The following PTPRN2 variants were observed in gnomAD, a reference collection of about 807,000 sequenced individuals.
The protein encoded by PTPRN2 is receptor-type tyrosine-protein phosphatase N2.
PTPRN2 carries 74 observed loss-of-function variants against 118.8 expected under a neutral mutation model. The observed-to-expected ratio is 0.62, with a 90% CI of 0.52 to 0.76. The LOEUF is 0.76. Ranked by LOEUF, PTPRN2 falls within the 30% of genes least tolerant of loss-of-function variation. PTPRN2 has a pLI of 0.00. For missense variants in PTPRN2, 1,481 were observed against 1,394.4 expected (o/e 1.06, Z -0.99); for synonymous variants, 641 against 608.0 (o/e 1.05, Z -0.80).
chr7:158,437,624 C>T (rs1442153694), intron 2 of PTPRN2, among the ~76,000 whole-genome samples: 2 of 152,198 alleles, frequency 1.3e-5, no homozygotes, highest in Non-Finnish European at 2.9e-5. Flanking sequence ...GGGGTTTATC[C>T]TCACACCTAT....
chr7:158,144,224 C>A (rs1819664144), intron 6 of PTPRN2, among the ~76,000 whole-genome samples: 1 of 152,218 alleles, frequency 6.6e-6, no homozygotes, highest in African/African-American at 2.4e-5. Context: ...TTTTGCCATA[C>A]TGATCCACAA....
chr7:158,332,774 C>T (rs55778281), intron 2 of PTPRN2, among the ~76,000 whole-genome samples: 498 of 151,718 alleles, frequency 3.3e-3, no homozygotes, highest in Middle Eastern at 6.9e-3. Context: ...CACACCCATA[C>T]TCTCACCATA....
At position 158,522,325 on chromosome 7, in the gene PTPRN2, CGGG is replaced by C. The variant is rs1563389758; in HGVS notation, c.113-32543_113-32541del. On this transcript the variant is annotated intron_variant, in intron 1 of 22. Coordinates refer to ENST00000389418, the MANE Select transcript of PTPRN2 (RefSeq NM_002847.5). ...ATGGTGGACTGTCCGGGTAGTGGCTCGGGAGGGAGGTCCACGTCACAATGGTGG... is the reference window on the plus strand; with the variant it reads ...ATGGTGGACTGTCCGGGTAGTGGCTCAGGGAGGTCCACGTCACAATGGTGG... Among the ~76,000 whole-genome samples the C allele has an allele frequency of 6.7e-4, 69 of 103,210 alleles. 5 individuals are homozygous for C. The highest frequency in any genetic ancestry group is 0.011 in the Middle Eastern group (2 of 178). The allele number at this position is 103,210 out of a possible 152,430, so 67.7% of individuals were successfully genotyped here.
chr7:158,371,602 G>A (rs1810001632), intron 2 of PTPRN2, among the ~76,000 whole-genome samples: 1 of 152,066 alleles, frequency 6.6e-6, no homozygotes, highest in South Asian at 2.1e-4. Context: ...CTTGAGAGAG[G>A]AACTTTATGC....
rs1380791150 is a variant in PTPRN2, at chr7:158,526,876, T to C, written c.113-37091A>G. 1.3e-5 allele frequency among the ~76,000 whole-genome samples: 2 copies of C among 152,176 alleles called. No homozygotes were observed. Among genetic ancestry groups the C allele is most frequent in the Non-Finnish European group, 2.9e-5 (2 of 68,030 alleles). ...GGACTCAGAAATGTCTGTTGTTTGC[T>C]AAGCCGCCTGGTTTGTGGGGGTTTG... is the stretch of plus-strand genomic sequence containing the variant. On this transcript the variant is annotated intron_variant, in intron 1 of 22. Coordinates refer to ENST00000389418, the MANE Select transcript of PTPRN2 (RefSeq NM_002847.5). This position sits in a 1 kb window ranked among gnomAD's most constrained non-coding sequence, Gnocchi z 5.2.
Position 157,690,915 on chromosome 7 carries a change from AGGGCGGGCTCC to A in PTPRN2, c.1789-7989_1789-7979del, listed in dbSNP as rs1186418369. On this transcript the variant is annotated intron_variant, in intron 12 of 22. Coordinates refer to ENST00000389418, the MANE Select transcript of PTPRN2 (RefSeq NM_002847.5). The surrounding 1 kb of genome is among the most constrained non-coding windows in gnomAD (Gnocchi z 7.1). The stretch of plus-strand genomic sequence containing the variant: ...GCCGGGGCGCGGCGCGGGCGGGCTC[AGGGCGGGCTCC>A]GGACGGTCCCGGTAGGGCCGCCGGC... Among the ~76,000 whole-genome samples the A allele has an allele frequency of 1.4e-5, 2 of 145,224 alleles. No individual in the cohort carries two copies. The highest frequency in any genetic ancestry group is 2.5e-5 in the African/African-American group (1 of 40,438).
intron 12 of PTPRN2, among the ~76,000 whole-genome samples, chr7:157,819,537 G>A (rs1191706685): frequency 7.9e-6 from 1 of 127,130 alleles, no homozygotes; most frequent in African/African-American, 2.9e-5. Context: ...CACACCGAGC[G>A]GCCACGGCAC....
chr7:158,015,692 T>A lies in PTPRN2; in HGVS notation c.1723+65606A>T, dbSNP rs1274743126. On this transcript the variant is annotated intron_variant, in intron 11 of 22. Coordinates refer to ENST00000389418, the MANE Select transcript of PTPRN2 (RefSeq NM_002847.5). The surrounding 1 kb of genome is among the most constrained non-coding windows in gnomAD (Gnocchi z 4.2). ...AGCAGAGAACGTACGAGGTCTTTCT[T>A]CCTATTTTCTGCAATTAAGCAACCA... 6.6e-6 allele frequency among the ~76,000 whole-genome samples: 1 copy of A among 152,244 alleles called. No individual in the cohort carries two copies. Among genetic ancestry groups the A allele is most frequent in the Non-Finnish European group, 1.5e-5 (1 of 68,052 alleles).
chr7:158,523,669 G>A (rs1377671713), intron 1 of PTPRN2, among the ~76,000 whole-genome samples: 17 of 144,756 alleles, frequency 1.2e-4, no homozygotes, highest in Non-Finnish European at 1.7e-4. Context: ...GGAGTCGTCT[G>A]CCCTGGAGCG....
In PTPRN2 at chr7:157,779,525, C is replaced by T. The variant is rs1048093028; in HGVS notation, c.1789-96588G>A. ...CAAATTCCCTCCTCAGGCCAGTGCCCTCCACGTTGTCCCCAGCAGGGCGAC... is the reference window on the plus strand; with the variant it reads ...CAAATTCCCTCCTCAGGCCAGTGCCTTCCACGTTGTCCCCAGCAGGGCGAC... On this transcript the variant is annotated intron_variant, in intron 12 of 22. Coordinates refer to ENST00000389418, the MANE Select transcript of PTPRN2 (RefSeq NM_002847.5). This position sits in a 1 kb window ranked among gnomAD's most constrained non-coding sequence, Gnocchi z 4.7. Among the ~76,000 whole-genome samples the T allele has an allele frequency of 2.0e-5, 3 of 152,216 alleles. No individual in the cohort carries two copies. Among genetic ancestry groups the T allele is most frequent in the Non-Finnish European group, 4.4e-5 (3 of 68,038 alleles).
intron 12 of PTPRN2, among the ~76,000 whole-genome samples, chr7:157,700,849 A>G (rs1469166472): frequency 1.3e-5 from 2 of 152,008 alleles, no homozygotes; most frequent in African/African-American, 4.8e-5. Flanking sequence ...CTCTCTCCCC[A>G]TCGAGGAACC....
At chr7:158,566,347 T>G (rs1827673295) in intron 1 of PTPRN2, among the ~76,000 whole-genome samples, 1 of 150,438 alleles carries the variant, frequency 6.6e-6, no homozygotes, top group South Asian at 2.1e-4. Flanking sequence ...AGAGCAAAAC[T>G]GTCTCAAAAA....
At chr7:157,658,107 A>G (rs1016074420) in intron 13 of PTPRN2, among the ~76,000 whole-genome samples, 5 of 152,236 alleles carry the variant, frequency 3.3e-5, no homozygotes, top group Non-Finnish European at 5.9e-5. Context: ...TCTGTCATCA[A>G]CGTGGAATAT....
At chr7:157,745,684 A>G (rs1409501419) in intron 12 of PTPRN2, among the ~76,000 whole-genome samples, 1 of 152,180 alleles carries the variant, frequency 6.6e-6, no homozygotes, top group Non-Finnish European at 1.5e-5. Context: ...AAATGTCAGC[A>G]TCTTTTGTAG....
chr7:158,499,166 T>C (rs1448959381), intron 1 of PTPRN2, among the ~76,000 whole-genome samples: 1 of 152,006 alleles, frequency 6.6e-6, no homozygotes, highest in Non-Finnish European at 1.5e-5. Context: ...ATATCATCAT[T>C]ATCATCATCA....
intron 2 of PTPRN2, among the ~76,000 whole-genome samples, chr7:158,349,678 A>C (rs113980139): frequency 4.7e-5 from 2 of 42,354 alleles, no homozygotes; most frequent in African/African-American, 9.7e-5. Flanking sequence ...ACGTCACTGC[A>C]CCCCTGGGTG....
At chr7:157,954,503 TGTGGTGTGTGTGTGTG>T (rs1563271070) in intron 11 of PTPRN2, among the ~76,000 whole-genome samples, 1,146 of 100,808 alleles carry the variant, frequency 0.011, 45 homozygotes, top group African/African-American at 0.037. Flanking sequence ...GTGTACTGTG[TGTGGTGTGTGTGTGTG>T]GTGCACGTGT....
At chr7:157,936,369 C>T (rs528046426) in intron 11 of PTPRN2, among the ~76,000 whole-genome samples, 10 of 152,316 alleles carry the variant, frequency 6.6e-5, no homozygotes, top group African/African-American at 2.4e-4. Context: ...CCAGACTCTA[C>T]TGGGCTCATT....
At chr7:158,571,938 A>C (rs1389525280) in intron 1 of PTPRN2, among the ~76,000 whole-genome samples, 1 of 152,104 alleles carries the variant, frequency 6.6e-6, no homozygotes, top group Non-Finnish European at 1.5e-5. Flanking sequence ...AATTCTCTAG[A>C]GTTATTAAGT....
Sources: gnomAD v4.1 joint callset for allele counts (sites outside exome capture counted in the v4.1 genomes callset) on GRCh38, gnomAD v4.1.1 for gene constraint, Gnocchi (gnomAD v3.1) non-coding constraint, MANE v1.5 for transcripts, NCBI Gene and HGNC (gene_info 2026-07-23, HGNC 2026-07-21) for gene names.